Variants in GABRB1 observed in about 807,000 individuals in gnomAD.
GABRB1 encodes the protein gamma-aminobutyric acid type A receptor subunit beta1.
Under a neutral mutation model 51.6 loss-of-function variants are expected in GABRB1, and 17 were observed. The ratio of observed to expected loss-of-function variants is 0.33; its 90% CI spans 0.23 to 0.49. The LOEUF is 0.49. GABRB1 is among the 20% of genes least tolerant of loss of function. GABRB1 has a pLI of 0.99. For synonymous variants in GABRB1, 247 were observed against 218.9 expected (o/e 1.13, Z -1.14); for missense variants, 410 against 600.6 (o/e 0.68, Z 3.32).
chr4:47,050,062 T>C (rs754617251), intron 3 of GABRB1, among the ~76,000 whole-genome samples: 28 of 152,208 alleles, frequency 1.8e-4, no homozygotes, highest in Non-Finnish European at 3.7e-4. Flanking sequence ...AAGCAAATGC[T>C]TAACTATCTA....
At chr4:47,277,180 T>TA (rs895639208) in intron 4 of GABRB1, among the ~76,000 whole-genome samples, 63 of 152,232 alleles carry the variant, frequency 4.1e-4, no homozygotes, top group East Asian at 1.9e-4. Flanking sequence ...TATTCAGCCA[T>TA]AAAAAAGAGT....
In GABRB1 at chr4:47,403,274, AT is replaced by A. The variant is rs772264977; in HGVS notation, c.545-41del. On this transcript the variant is annotated intron_variant, in intron 5 of 8. Transcript: ENST00000295454. ...TAGCTCCCAGATGGTATTCAAAATG[AT>A]TTCCTAAACTTTGTTTAACCGTGCT... 4 of 1,603,184 alleles carry A rather than the reference AT, an allele frequency of 2.5e-6. No individual in the cohort carries two copies. In the South Asian group the frequency reaches 3.4e-5, roughly 13 times the overall value.
chr4:47,142,378 A>C (rs1716973198), intron 3 of GABRB1, among the ~76,000 whole-genome samples: 1 of 151,992 alleles, frequency 6.6e-6, no homozygotes, highest in African/African-American at 2.4e-5. Flanking sequence ...AAGACAAATA[A>C]GATTTTATGG....
At chr4:47,370,117 A>C (rs1727134531) in intron 5 of GABRB1, among the ~76,000 whole-genome samples, 1 of 152,080 alleles carries the variant, frequency 6.6e-6, no homozygotes, top group Admixed American at 6.6e-5. Flanking sequence ...CTCAAAAATA[A>C]TTTTATTTTT....
chr4:47,032,805 G>T (rs766006345), intron 3 of GABRB1: 1 of 537,808 alleles, frequency 1.9e-6, no homozygotes, highest in South Asian at 1.6e-5. Flanking sequence ...GATGAGGAGG[G>T]CACCATCTGC....
chr4:47,272,388 T>C (rs1722906258), intron 4 of GABRB1, among the ~76,000 whole-genome samples: 1 of 152,178 alleles, frequency 6.6e-6, no homozygotes, highest in African/African-American at 2.4e-5. Flanking sequence ...TAGTACTGTG[T>C]TATTCATTTT....
At chr4:47,019,607 TTC>T (rs1724851133) in intron 1 of GABRB1, among the ~76,000 whole-genome samples, 2 of 84,198 alleles carry the variant, frequency 2.4e-5, no homozygotes, top group Non-Finnish European at 4.9e-5. Context: ...CCTTCCTCCC[TTC>T]TTTCTTTCTT....
intron 3 of GABRB1, among the ~76,000 whole-genome samples, chr4:47,053,371 A>G (rs1469243188): frequency 2.0e-5 from 3 of 152,154 alleles, no homozygotes; most frequent in Non-Finnish European, 2.9e-5. Context: ...TAGTTCATAG[A>G]CAACCTTCTT....
chr4:47,352,836 G>A (rs1241259724), intron 5 of GABRB1, among the ~76,000 whole-genome samples: 1 of 152,150 alleles, frequency 6.6e-6, no homozygotes, highest in African/African-American at 2.4e-5. Context: ...AGAGAGTATA[G>A]GATGTTCAGA....
At chr4:47,079,078 T>A (rs372759020) in intron 3 of GABRB1, among the ~76,000 whole-genome samples, 5 of 152,326 alleles carry the variant, frequency 3.3e-5, no homozygotes, top group Admixed American at 2.0e-4. Context: ...ATTCTCTTTT[T>A]TTGTTGTGTT....
At chr4:47,294,040 G>A (rs548727060) in intron 4 of GABRB1, among the ~76,000 whole-genome samples, 2 of 152,196 alleles carry the variant, frequency 1.3e-5, no homozygotes, top group East Asian at 1.9e-4. Context: ...TAAAAAGGAA[G>A]CAAATGTACA....
intron 4 of GABRB1, among the ~76,000 whole-genome samples, chr4:47,297,432 A>G (rs564330557): frequency 6.6e-6 from 1 of 151,904 alleles, no homozygotes; most frequent in South Asian, 2.1e-4. Context: ...GGATATCACC[A>G]CCAATCCCAC....
At position 47,008,853 on chromosome 4, in the gene GABRB1, C is replaced by CTTTTTTTTT. The variant is rs1491180948; in HGVS notation, c.-20+14948_-20+14956dup. 5.6e-4 allele frequency among the ~76,000 whole-genome samples: 45 copies of CTTTTTTTTT among 80,096 alleles called. 1 individual carries two copies. Among genetic ancestry groups the CTTTTTTTTT allele is most frequent in the Non-Finnish European group, 8.0e-4 (36 of 44,796 alleles). 52.5% of individuals were successfully genotyped at this position (80,096 alleles called of 152,430 possible). On this transcript the variant is annotated intron_variant, in intron 1 of 3. Transcript: ENST00000513567. ...ACCCTGTCACGCTATCAGATACTAC[C>CTTTTTTTTT]TTTTTTTTTTTTTTTTTTTTTTTTT...
At chr4:47,252,860 A>G (rs1448249157) in intron 4 of GABRB1, among the ~76,000 whole-genome samples, 3 of 152,158 alleles carry the variant, frequency 2.0e-5, no homozygotes, top group African/African-American at 7.2e-5. Context: ...TCATACCTAA[A>G]TATTCTATTA....
At chr4:47,195,134 A>G (rs1719593852) in intron 4 of GABRB1, among the ~76,000 whole-genome samples, 1 of 152,168 alleles carries the variant, frequency 6.6e-6, no homozygotes, top group African/African-American at 2.4e-5. Flanking sequence ...TGGGAGGCCG[A>G]GGCAGGCGGA....
intron 8 of GABRB1, among the ~76,000 whole-genome samples, chr4:47,417,219 A>G (rs1314433523): frequency 1.3e-5 from 2 of 152,172 alleles, no homozygotes; most frequent in Non-Finnish European, 2.9e-5. Flanking sequence ...CTTCTCAGCA[A>G]CATCTAAACT....
intron 4 of GABRB1, among the ~76,000 whole-genome samples, chr4:47,272,974 CTGTAATGATGAGT>C (rs375113401): frequency 0.73 from 98,040 of 134,568 alleles, 32,024 homozygotes; most frequent in South Asian, 0.85. Context: ...TGAACCGTTA[CTGTAATGATGAGT>C]TCACTGTAGT....
intron 3 of GABRB1, among the ~76,000 whole-genome samples, chr4:47,144,002 T>A (rs1248497119): frequency 1.3e-5 from 2 of 152,074 alleles, no homozygotes; most frequent in South Asian, 2.1e-4. Flanking sequence ...ATAAATACTT[T>A]TCATTGATGG....
At chr4:47,296,974 T>C (rs1406145560) in intron 4 of GABRB1, among the ~76,000 whole-genome samples, 6 of 152,074 alleles carry the variant, frequency 3.9e-5, no homozygotes, top group Non-Finnish European at 7.4e-5. Flanking sequence ...ACCACTCAGC[T>C]ACATGGAAAC....
Sources: gnomAD v4.1 joint callset for allele counts (sites outside exome capture counted in the v4.1 genomes callset) on GRCh38, gnomAD v4.1.1 for gene constraint, MANE v1.5 for transcripts, NCBI Gene and HGNC (gene_info 2026-07-23, HGNC 2026-07-21) for gene names.